The following MBNL1 variants were observed in gnomAD, a reference collection of about 807,000 sequenced individuals.
MBNL1 encodes the protein muscleblind like splicing regulator 1.
MBNL1 carries 8 observed loss-of-function variants against 42.2 expected under a neutral mutation model. That is an observed-to-expected ratio of 0.19 (90% confidence interval 0.11 to 0.34). MBNL1 has a LOEUF of 0.34. Among genes scored for constraint, MBNL1 ranks in the 10% least tolerant of loss-of-function variants. The pLI, the probability that MBNL1 is intolerant of heterozygous loss-of-function variation, is 1.00. For missense variants in MBNL1, 309 were observed against 495.3 expected, an observed-to-expected ratio of 0.62 and a Z score of 3.57; for synonymous variants, 169 against 173.9, an observed-to-expected ratio of 0.97 and a Z score of 0.22.
intron 2 of MBNL1, among the ~76,000 whole-genome samples, chr3:152,345,582 G>A (rs2094111856): frequency 6.6e-6 from 1 of 152,104 alleles, no homozygotes; most frequent in Non-Finnish European, 1.5e-5. Context: ...TTAAAATACT[G>A]TTTTTATTTA....
At chr3:152,427,009 A>G (rs1364054478) in intron 3 of MBNL1, among the ~76,000 whole-genome samples, 1 of 152,156 alleles carries the variant, frequency 6.6e-6, no homozygotes, top group African/African-American at 2.4e-5. Flanking sequence ...TTGGTTCTTT[A>G]CTTTCCACTT....
At chr3:152,259,676 C>T (rs1003029462) in intron 2 of MBNL1, among the ~76,000 whole-genome samples, 2 of 152,084 alleles carry the variant, frequency 1.3e-5, no homozygotes, top group South Asian at 2.1e-4. Context: ...AGATTTCTTC[C>T]GACCCTGCCT....
At chr3:152,310,138 T>C (rs2065519006) in intron 2 of MBNL1, among the ~76,000 whole-genome samples, 1 of 152,220 alleles carries the variant, frequency 6.6e-6, no homozygotes, top group Non-Finnish European at 1.5e-5. Flanking sequence ...TGTAAAAGAC[T>C]ATACGTGCTT....
intron 2 of MBNL1, among the ~76,000 whole-genome samples, chr3:152,327,823 T>G (rs552165268): frequency 6.6e-6 from 1 of 152,066 alleles, no homozygotes; most frequent in East Asian, 1.9e-4. Flanking sequence ...GCATTTTTTT[T>G]TATAGCTTTC....
chr3:152,253,349 A>C (rs998882218), intron 2 of MBNL1, among the ~76,000 whole-genome samples: 1 of 152,078 alleles, frequency 6.6e-6, no homozygotes, highest in Admixed American at 6.6e-5. Context: ...TTCTGTTCCC[A>C]AAATATATTC....
chr3:152,405,665 T>C (rs114853288), intron 2 of MBNL1, among the ~76,000 whole-genome samples: 2 of 152,110 alleles, frequency 1.3e-5, no homozygotes, highest in Non-Finnish European at 2.9e-5. Context: ...CTTAAGAAGT[T>C]TACCTCTGTT....
intron 5 of MBNL1, among the ~76,000 whole-genome samples, chr3:152,446,542 G>A (rs1002512915): frequency 4.0e-5 from 6 of 151,712 alleles, no homozygotes; most frequent in Non-Finnish European, 8.8e-5. Flanking sequence ...CTTGTTATTC[G>A]TTGTATATGG....
intron 1 of MBNL1, among the ~76,000 whole-genome samples, chr3:152,298,220 A>G (rs1035503156): frequency 4.6e-5 from 7 of 152,206 alleles, no homozygotes; most frequent in Non-Finnish European, 5.9e-5. Flanking sequence ...ATACTGTGTC[A>G]TTGCCTCTTT....
chr3:152,351,967 T>A (rs1450166384), intron 2 of MBNL1, among the ~76,000 whole-genome samples: 22 of 152,212 alleles, frequency 1.4e-4, no homozygotes. Context: ...CCACTTTATT[T>A]ATTTTTTTCA....
chr3:152,390,945 C>G (rs1018374337), intron 2 of MBNL1, among the ~76,000 whole-genome samples: 4 of 152,204 alleles, frequency 2.6e-5, no homozygotes, highest in African/African-American at 9.6e-5. Context: ...AGAAAACTTT[C>G]ATTTAACAAA....
intron 1 of MBNL1, chr3:152,269,914 A>C (rs2194979): frequency 0.48 from 47,211 of 99,138 alleles, 11,198 homozygotes; most frequent in East Asian, 0.53. Context: ...GCCACCCCCC[A>C]ACTTTTTTTT....
At chr3:152,455,903 A>G (rs781218452) in intron 7 of MBNL1, among the ~76,000 whole-genome samples, 1 of 152,226 alleles carries the variant, frequency 6.6e-6, no homozygotes, top group Non-Finnish European at 1.5e-5. Context: ...ATTCAAACAG[A>G]TAACTGTATA....
chr3:152,354,987 T>C (rs980179309), intron 2 of MBNL1, among the ~76,000 whole-genome samples: 12 of 152,214 alleles, frequency 7.9e-5, no homozygotes, highest in African/African-American at 2.9e-4. Context: ...CATCAAAAGT[T>C]GAATCTCCTT....
intron 2 of MBNL1, among the ~76,000 whole-genome samples, chr3:152,361,211 T>C (rs1340945931): frequency 6.6e-6 from 1 of 151,938 alleles, no homozygotes; most frequent in East Asian, 1.9e-4. Context: ...CCAGAGACTG[T>C]GGGTATACAT....
At chr3:152,359,264 A>T (rs1047640250) in intron 2 of MBNL1, among the ~76,000 whole-genome samples, 1 of 152,226 alleles carries the variant, frequency 6.6e-6, no homozygotes, top group Non-Finnish European at 1.5e-5. Flanking sequence ...GGATTTGCTT[A>T]TCAACAGATT....
chr3:152,271,001 A>T (rs2041297296), intron 1 of MBNL1, among the ~76,000 whole-genome samples: 1 of 152,208 alleles, frequency 6.6e-6, no homozygotes, highest in African/African-American at 2.4e-5. Flanking sequence ...TTTCATTATT[A>T]CTAAGAGACT....
intron 2 of MBNL1, among the ~76,000 whole-genome samples, chr3:152,347,830 T>G (rs567198393): frequency 8.5e-5 from 13 of 152,146 alleles, no homozygotes; most frequent in Non-Finnish European, 1.6e-4. Context: ...AAATAATTCA[T>G]TTATCTGAAA....
chr3:152,260,643 A>G (rs558522436), intron 2 of MBNL1, among the ~76,000 whole-genome samples: 5 of 152,212 alleles, frequency 3.3e-5, no homozygotes, highest in Non-Finnish European at 7.3e-5. Flanking sequence ...GGGGGTGCTT[A>G]TAATCACAAT....
At chr3:152,329,073 G>A (rs965852545) in intron 2 of MBNL1, among the ~76,000 whole-genome samples, 1 of 152,018 alleles carries the variant, frequency 6.6e-6, no homozygotes, top group Non-Finnish European at 1.5e-5. Context: ...GTCACTTCTG[G>A]AAGGAAAAAA....
Sources: allele counts gnomAD v4.1 joint callset (sites outside exome capture counted in the v4.1 genomes callset), GRCh38; gene constraint gnomAD v4.1.1; transcripts MANE v1.5; gene names NCBI Gene and HGNC (gene_info 2026-07-23, HGNC 2026-07-21).